The following KLF8 variants were observed in gnomAD, a reference collection of about 807,000 sequenced individuals.
KLF8 encodes KLF transcription factor 8.
A neutral mutation model predicts 18.2 loss-of-function variants in KLF8; 10 were observed. That is an observed-to-expected ratio of 0.55 (90% CI 0.34 to 0.93). The LOEUF is 0.93. Ranked by LOEUF, KLF8 falls within the 40% of genes least tolerant of loss-of-function variation. KLF8 has a pLI of 0.02. For missense variants in KLF8, 264 were observed against 277.9 expected (o/e 0.95, Z 0.36); for synonymous variants, 109 against 97.3 (o/e 1.12, Z -0.71).
upstream of KLF8, among the ~76,000 whole-genome samples, chrX:56,231,321 C>T (rs951529429): frequency 6.3e-5 from 7 of 111,495 alleles, no homozygotes; most frequent in African/African-American, 2.3e-4. Context: ...AGTAAGTAGA[C>T]CTATGTGTTC....
the KLF8 span, among the ~76,000 whole-genome samples, chrX:55,956,169 C>CATCTATCT: frequency 2.0e-4 from 16 of 81,860 alleles, no homozygotes; most frequent in African/African-American, 4.6e-4. Context: ...ATCTATCTAT[C>CATCTATCT]ATCTATCTAT....
chrX:55,942,283 C>T, the KLF8 span, among the ~76,000 whole-genome samples: 4 of 110,102 alleles, frequency 3.6e-5, no homozygotes, highest in Admixed American at 9.7e-5. Flanking sequence ...AACCAAACAC[C>T]GCATTTTCTT....
chrX:55,923,922 T>C, the KLF8 span, among the ~76,000 whole-genome samples: 1 of 111,308 alleles, frequency 9.0e-6, no homozygotes, highest in Admixed American at 9.6e-5. Context: ...CACAAGACTT[T>C]TGCCTTCACT....
At chrX:56,108,857 C>A in the KLF8 span, among the ~76,000 whole-genome samples, 1 of 111,353 alleles carries the variant, frequency 9.0e-6, no homozygotes, top group African/African-American at 3.3e-5. Flanking sequence ...TTGTTTTCAC[C>A]ATATTTTATA....
At chrX:56,240,138 A>G (rs770945018) in intron 1 of KLF8, among the ~76,000 whole-genome samples, 16 of 112,412 alleles carry the variant, frequency 1.4e-4, no homozygotes, top group Non-Finnish European at 2.3e-4. Flanking sequence ...AAGAATAATA[A>G]CATACTTATT....
At chrX:56,136,328 G>A in the KLF8 span, among the ~76,000 whole-genome samples, 1 of 111,496 alleles carries the variant, frequency 9.0e-6, no homozygotes, top group Non-Finnish European at 1.9e-5. Context: ...AAAACTGGAG[G>A]CATCACACTA....
chrX:55,962,770 A>G, the KLF8 span, among the ~76,000 whole-genome samples: 2 of 112,506 alleles, frequency 1.8e-5, no homozygotes, highest in Non-Finnish European at 3.8e-5. Flanking sequence ...CAAGAAAGTC[A>G]TCACACCAAA....
the KLF8 span, among the ~76,000 whole-genome samples, chrX:56,097,718 C>G: frequency 1.1e-5 from 1 of 87,786 alleles, no homozygotes; most frequent in Non-Finnish European, 2.2e-5. Context: ...CTTCCTGTGT[C>G]CATGTGTTCT....
the KLF8 span, among the ~76,000 whole-genome samples, chrX:56,062,018 G>C: frequency 9.3e-5 from 7 of 75,282 alleles, no homozygotes; most frequent in Admixed American, 6.6e-4. Context: ...TTTTGGCTTG[G>C]TTAATCTTCT....
the KLF8 span, among the ~76,000 whole-genome samples, chrX:56,087,848 T>G: frequency 1.8e-5 from 2 of 112,083 alleles, no homozygotes; most frequent in African/African-American, 6.5e-5. Flanking sequence ...TTTTCTTTTC[T>G]ATAATCTGCA....
the KLF8 span, among the ~76,000 whole-genome samples, chrX:56,047,537 T>C: frequency 1.3e-4 from 14 of 109,702 alleles, 1 homozygote; most frequent in Non-Finnish European, 2.7e-4. Flanking sequence ...GTCCTTGCGA[T>C]AGTTTCCTGA....
chrX:55,926,065 G>T, the KLF8 span, among the ~76,000 whole-genome samples: 1 of 111,714 alleles, frequency 9.0e-6, no homozygotes, highest in Non-Finnish European at 1.9e-5. Context: ...CTAGTACATG[G>T]TCTGACACTT....
At chrX:56,265,879 T>C (rs2066966346) in intron 3 of KLF8, 135 bp downstream of exon 3, 1 of 1,066,752 alleles carries the variant, frequency 9.4e-7, no homozygotes, top group Non-Finnish European at 1.2e-6. Flanking sequence ...AAAAGTACTG[T>C]TTTTTATGTC....
the KLF8 span, among the ~76,000 whole-genome samples, chrX:56,171,642 G>A: frequency 2.3e-4 from 26 of 111,326 alleles, no homozygotes; most frequent in East Asian, 2.0e-3. Context: ...TTATCCTTGT[G>A]ATGGTTTGCT....
the KLF8 span, among the ~76,000 whole-genome samples, chrX:56,089,364 G>T: frequency 8.9e-6 from 1 of 111,899 alleles, no homozygotes; most frequent in Admixed American, 9.5e-5. Context: ...GGTGGTACAT[G>T]GCAGTTTATA....
the KLF8 span, among the ~76,000 whole-genome samples, chrX:56,026,702 A>G: frequency 8.9e-6 from 1 of 111,859 alleles, no homozygotes. Flanking sequence ...CTGGCCCAAT[A>G]TCTGAGCCAA....
the KLF8 span, among the ~76,000 whole-genome samples, chrX:56,000,475 T>TG: frequency 5.5e-3 from 200 of 36,186 alleles, no homozygotes; most frequent in South Asian, 0.025. Context: ...TGCTTTTTCT[T>TG]GGGGGGGGGG....
chrX:56,271,888 A>G (rs1406202784), intron 5 of KLF8, among the ~76,000 whole-genome samples: 1 of 111,129 alleles, frequency 9.0e-6, no homozygotes, highest in Admixed American at 9.5e-5. Context: ...AATGTAACCT[A>G]TTGTGCGGCT....
At chrX:56,279,050 G>A (rs186922412) in intron 5 of KLF8, among the ~76,000 whole-genome samples, 49 of 111,838 alleles carry the variant, frequency 4.4e-4, no homozygotes, top group African/African-American at 1.5e-3. Flanking sequence ...GTGAGGGGTG[G>A]TGTTGGTGAT....
Sources: gnomAD v4.1 joint callset for allele counts (sites outside exome capture counted in the v4.1 genomes callset) on GRCh38, gnomAD v4.1.1 for gene constraint, MANE v1.5 for transcripts, NCBI Gene and HGNC (gene_info 2026-07-23, HGNC 2026-07-21) for gene names.